Variants in CTHRC1 observed in about 807,000 individuals in gnomAD.
CTHRC1 encodes collagen triple helix repeat containing 1, also known as collagen triple helix repeat-containing protein 1.
CTHRC1 carries 21 observed loss-of-function variants against 25.9 expected under a neutral mutation model. The ratio of observed to expected loss-of-function variants is 0.81; its 90% CI spans 0.57 to 1.17. CTHRC1 has a LOEUF of 1.17. Ranked by LOEUF, CTHRC1 falls within the 50% of genes most tolerant of loss-of-function variation. CTHRC1 has a pLI of 0.00. For synonymous variants in CTHRC1, 109 were observed against 113.1 expected (o/e 0.96, Z 0.23); for missense variants, 281 against 304.3 (o/e 0.92, Z 0.57).
At chr8:103,376,978 T>C (rs1815816335) in intron 2 of CTHRC1, among the ~76,000 whole-genome samples, 2 of 152,242 alleles carry the variant, frequency 1.3e-5, no homozygotes, top group Non-Finnish European at 2.9e-5. Context: ...TGTTTATTTA[T>C]AGTTGTTCAT....
chr8:103,380,679 T>C (rs1180421256), intron 3 of CTHRC1, among the ~76,000 whole-genome samples: 3 of 152,194 alleles, frequency 2.0e-5, no homozygotes, highest in Admixed American at 6.5e-5. Context: ...CTAAAGACCA[T>C]GAAGTGACCA....
At chr8:103,380,662 T>G (rs1242458570) in intron 3 of CTHRC1, among the ~76,000 whole-genome samples, 1 of 152,248 alleles carries the variant, frequency 6.6e-6, no homozygotes, top group African/African-American at 2.4e-5. Flanking sequence ...CAACATTATT[T>G]CATCTGCTAA....
chr8:103,374,516 TG>T (rs1036701159), intron 1 of CTHRC1, among the ~76,000 whole-genome samples: 2 of 152,166 alleles, frequency 1.3e-5, no homozygotes, highest in African/African-American at 4.8e-5. Context: ...ATTAGACAGG[TG>T]GGGCACAGGA....
chr8:103,372,443 A>G (rs1563707105), intron 1 of CTHRC1: 20 of 1,529,168 alleles, frequency 1.3e-5, no homozygotes, highest in South Asian at 1.1e-4. Flanking sequence ...AGAAGGTTTA[A>G]GGCCGGAAAG....
chr8:103,382,059 G>A (rs2130412665), intron 3 of CTHRC1, among the ~76,000 whole-genome samples: 1 of 151,860 alleles, frequency 6.6e-6, no homozygotes, highest in South Asian at 2.1e-4. Context: ...GATAAGTGTC[G>A]GAAAGGGCTT....
chr8:103,382,031 T>C (rs2130412562), intron 3 of CTHRC1, among the ~76,000 whole-genome samples: 1 of 152,284 alleles, frequency 6.6e-6, no homozygotes, highest in African/African-American at 2.4e-5. Context: ...TCTACTTGTC[T>C]AGCATCACTT....
At chr8:103,373,618 G>T (rs1054362640) in intron 1 of CTHRC1, among the ~76,000 whole-genome samples, 12 of 150,252 alleles carry the variant, frequency 8.0e-5, no homozygotes, top group African/African-American at 2.9e-4. Flanking sequence ...ATGGCACAAT[G>T]GACATGTTGG....
chr8:103,376,038 A>C, intron 2 of CTHRC1, 79 bp downstream of exon 2: 1 of 1,108,804 alleles, frequency 9.0e-7, no homozygotes, highest in Non-Finnish European at 1.3e-6. Flanking sequence ...GTGACATTTT[A>C]TTTTTTTTTA....
chr8:103,374,785 C>T (rs1815774415), intron 1 of CTHRC1, among the ~76,000 whole-genome samples: 1 of 152,156 alleles, frequency 6.6e-6, no homozygotes, highest in African/African-American at 2.4e-5. Context: ...AAATCTCATA[C>T]AAACCCTATA....
intron 2 of CTHRC1, among the ~76,000 whole-genome samples, chr8:103,377,715 C>A (rs549284598): frequency 6.6e-6 from 1 of 152,182 alleles, no homozygotes; most frequent in African/African-American, 2.4e-5. Flanking sequence ...GCGATTCTCA[C>A]GTCTCAGCCT....
intron 1 of CTHRC1, chr8:103,372,305 A>G (rs1035898261): frequency 4.1e-5 from 26 of 641,362 alleles, no homozygotes; most frequent in Non-Finnish European, 6.2e-5. Context: ...GAGAATAACA[A>G]CCCCCACAAA....
intron 1 of CTHRC1, among the ~76,000 whole-genome samples, chr8:103,372,112 A>C (rs1815715360): frequency 6.8e-6 from 1 of 147,318 alleles, no homozygotes; most frequent in South Asian, 2.3e-4. Context: ...TTCTGGCCCC[A>C]GGGGGACCCC....
At position 103,382,850 on chromosome 8, in the gene CTHRC1, A is replaced by G. The variant is rs1427492828; in HGVS notation, c.*250A>G. 7 of 421,868 alleles carry G rather than the reference A, an allele frequency of 1.7e-5. No individual in the cohort carries two copies. The highest frequency in any genetic ancestry group is 1.4e-4 in the African/African-American group (7 of 49,614). The allele number at this position is 421,868 out of a possible 1,614,324, so 26.1% of individuals were successfully genotyped here. ...CATAGTCACATTCTCTCAACCTATA[A>G]TTTGGAATATTGTTGTGGTCTTTTG... On this transcript the variant is annotated 3_prime_UTR_variant, in exon 4 of 4. Coordinates refer to ENST00000330295, the MANE Select transcript of CTHRC1 (RefSeq NM_138455.4).
chr8:103,372,096 A>G (rs1428450842), intron 1 of CTHRC1, among the ~76,000 whole-genome samples: 1 of 152,042 alleles, frequency 6.6e-6, no homozygotes, highest in Non-Finnish European at 1.5e-5. Flanking sequence ...GGAGTCCCCC[A>G]ATAATTTCTG....
At position 103,372,711 on chromosome 8, in the gene CTHRC1, G is replaced by A; in HGVS notation, c.150+905G>A. ...TAAAAATCAACAAACCCAGTGGAGG[G>A]CGGAGAGGTTCTCTGGCCTGTGGTA... On this transcript the variant is annotated intron_variant, in intron 1 of 3. Coordinates refer to ENST00000330295, the MANE Select transcript of CTHRC1 (RefSeq NM_138455.4). 3.4e-6 allele frequency: 5 copies of A among 1,492,510 alleles called. No individual in the cohort carries two copies. In the South Asian group the frequency reaches 5.7e-5, roughly 17 times the overall value. The allele number at this position is 1,492,510 out of a possible 1,614,324, so 92.5% of individuals were successfully genotyped here. A position where few individuals can be genotyped will look rare whatever the true frequency, so the allele number is the denominator to read the frequency against.
chr8:103,379,153 TTC>T (rs1477380699), intron 3 of CTHRC1, among the ~76,000 whole-genome samples: 1 of 152,242 alleles, frequency 6.6e-6, no homozygotes, highest in Non-Finnish European at 1.5e-5. Context: ...TGTTTCTGTA[TTC>T]TGTTTCCACC....
chr8:103,374,996 A>T (rs565788037), intron 1 of CTHRC1, among the ~76,000 whole-genome samples: 1 of 152,334 alleles, frequency 6.6e-6, no homozygotes, highest in East Asian at 1.9e-4. Context: ...CCTTACAGAC[A>T]GTTTGACAGA....
At chr8:103,376,912 A>G (rs1248444015) in intron 2 of CTHRC1, among the ~76,000 whole-genome samples, 4 of 152,216 alleles carry the variant, frequency 2.6e-5, no homozygotes, top group South Asian at 2.1e-4. Context: ...GTTTCTAGAA[A>G]ACATTTTGTT....
At chr8:103,377,833 G>C (rs1815832454) in intron 2 of CTHRC1, among the ~76,000 whole-genome samples, 194 bp from the exon 3 acceptor site, 1 of 152,116 alleles carries the variant, frequency 6.6e-6, no homozygotes, top group Admixed American at 6.6e-5. Context: ...CTAACCCCTG[G>C]CCTCAAGTAA....
Sources: gnomAD v4.1 joint callset for allele counts (sites outside exome capture counted in the v4.1 genomes callset) on GRCh38, gnomAD v4.1.1 for gene constraint, MANE v1.5 for transcripts, NCBI Gene and HGNC (gene_info 2026-07-23, HGNC 2026-07-21) for gene names.